The following MYO3B variants were observed in gnomAD, a reference collection of about 807,000 sequenced individuals.
The protein encoded by MYO3B is myosin-IIIb.
MYO3B carries 156 observed loss-of-function variants against 174.6 expected under a neutral mutation model. The ratio of observed to expected loss-of-function variants is 0.89; its 90% CI spans 0.78 to 1.02. The LOEUF (loss-of-function observed/expected upper bound fraction) is 1.02, where lower values mean the gene tolerates loss of function less well. Ranked by LOEUF, MYO3B falls within the 50% of genes least tolerant of loss-of-function variation. The pLI is 0.00. For missense variants in MYO3B, 1,632 were observed against 1,639.4 expected, an observed-to-expected ratio of 1.00 and a Z score of 0.08; for synonymous variants, 563 against 569.1, an observed-to-expected ratio of 0.99 and a Z score of 0.15.
At chr2:170,597,431 C>T (rs1285895276) in intron 32 of MYO3B, among the ~76,000 whole-genome samples, 1 of 151,732 alleles carries the variant, frequency 6.6e-6, no homozygotes, top group Non-Finnish European at 1.5e-5. Context: ...GACTCTTCAG[C>T]CAACCAAGCA....
At chr2:170,361,475 C>T (rs1335073282) in intron 8 of MYO3B, among the ~76,000 whole-genome samples, 1 of 152,224 alleles carries the variant, frequency 6.6e-6, no homozygotes, top group Non-Finnish European at 1.5e-5. Flanking sequence ...TTCTCGGACA[C>T]AAAATTGACA....
At chr2:170,441,721 T>G (rs2094802271) in intron 22 of MYO3B, among the ~76,000 whole-genome samples, 1 of 152,234 alleles carries the variant, frequency 6.6e-6, no homozygotes, top group African/African-American at 2.4e-5. Flanking sequence ...GCCATGCATT[T>G]GTTGTCATGG....
chr2:170,353,104 A>G (rs1558916188), intron 8 of MYO3B, among the ~76,000 whole-genome samples: 1 of 152,246 alleles, frequency 6.6e-6, no homozygotes, highest in East Asian at 1.9e-4. Context: ...AAATCTGCAC[A>G]TGAATGTTTA....
chr2:170,447,824 C>A (rs1272268964), intron 23 of MYO3B, among the ~76,000 whole-genome samples: 4 of 152,144 alleles, frequency 2.6e-5, no homozygotes, highest in African/African-American at 9.7e-5. Context: ...AGGTAGGGGG[C>A]AAGTCAATCA....
intron 8 of MYO3B, among the ~76,000 whole-genome samples, chr2:170,347,344 G>A (rs921633018): frequency 1.2e-4 from 19 of 152,130 alleles, no homozygotes; most frequent in African/African-American, 4.3e-4. Flanking sequence ...GATCACATCT[G>A]TAATCCCAGC....
chr2:170,307,420 C>T (rs1024668065), intron 7 of MYO3B, among the ~76,000 whole-genome samples: 1 of 152,172 alleles, frequency 6.6e-6, no homozygotes, highest in African/African-American at 2.4e-5. Context: ...TTAAAATGCT[C>T]TGTTCAGTGA....
At chr2:170,227,300 G>T (rs566668692) in intron 6 of MYO3B, among the ~76,000 whole-genome samples, 1 of 152,096 alleles carries the variant, frequency 6.6e-6, no homozygotes, top group Admixed American at 6.5e-5. Flanking sequence ...GGGGAAGTGG[G>T]GGGGTACAGG....
intron 22 of MYO3B, among the ~76,000 whole-genome samples, chr2:170,434,198 G>A (rs943992470): frequency 3.3e-5 from 5 of 152,112 alleles, no homozygotes; most frequent in African/African-American, 4.8e-5. Context: ...CTATAGGTTT[G>A]TGTTTTTTTG....
At chr2:170,610,314 C>G (rs1205833085) in intron 32 of MYO3B, among the ~76,000 whole-genome samples, 1 of 150,998 alleles carries the variant, frequency 6.6e-6, no homozygotes, top group African/African-American at 2.4e-5. Flanking sequence ...GTACTCCAGC[C>G]TGGGTGACAG....
intron 7 of MYO3B, among the ~76,000 whole-genome samples, chr2:170,298,199 G>A (rs774978091): frequency 6.6e-6 from 1 of 152,128 alleles, no homozygotes; most frequent in African/African-American, 2.4e-5. Flanking sequence ...CCAGTTGAAA[G>A]CATCTCAGAT....
At chr2:170,585,583 C>A (rs920103122) in intron 32 of MYO3B, among the ~76,000 whole-genome samples, 1 of 152,118 alleles carries the variant, frequency 6.6e-6, no homozygotes, top group African/African-American at 2.4e-5. Context: ...CTTGGCCTGG[C>A]CCCCTTGTGA....
intron 8 of MYO3B, among the ~76,000 whole-genome samples, chr2:170,355,675 A>G (rs1329407953): frequency 6.6e-6 from 1 of 152,162 alleles, no homozygotes; most frequent in Non-Finnish European, 1.5e-5. Flanking sequence ...CTTTTGATTC[A>G]TGGGCTCAAC....
At chr2:170,456,068 G>GA (rs1384386291) in intron 23 of MYO3B, among the ~76,000 whole-genome samples, 2 of 152,070 alleles carry the variant, frequency 1.3e-5, no homozygotes, top group Non-Finnish European at 2.9e-5. Flanking sequence ...GAATAGGGGA[G>GA]AATCACAGAG....
intron 22 of MYO3B, among the ~76,000 whole-genome samples, chr2:170,439,914 T>C (rs1445479737): frequency 6.6e-6 from 1 of 152,156 alleles, no homozygotes; most frequent in Non-Finnish European, 1.5e-5. Context: ...TCTCCTGACC[T>C]TGTGATCCGC....
At chr2:170,188,495 AT>A (rs1282715847) in intron 1 of MYO3B, among the ~76,000 whole-genome samples, 1 of 151,932 alleles carries the variant, frequency 6.6e-6, no homozygotes, top group African/African-American at 2.4e-5. Context: ...TAATTCTGCC[AT>A]TTTGTCATTT....
At chr2:170,401,733 T>C (rs773110632) in intron 18 of MYO3B, 42 bp downstream of exon 18, 5 of 1,569,380 alleles carry the variant, frequency 3.2e-6, no homozygotes, top group Non-Finnish European at 4.4e-6. Context: ...AGAGCTGTCA[T>C]TGACCCCGCC....
intron 32 of MYO3B, among the ~76,000 whole-genome samples, chr2:170,555,153 G>A (rs1273736675): frequency 6.6e-6 from 1 of 152,120 alleles, no homozygotes. Flanking sequence ...CAGAAATATT[G>A]AGCTTAAAGT....
chr2:170,349,010 T>A (rs1167319653), intron 8 of MYO3B, among the ~76,000 whole-genome samples: 14 of 152,186 alleles, frequency 9.2e-5, no homozygotes. Context: ...AAACAGTCAG[T>A]GTGATCTTTC....
intron 22 of MYO3B, among the ~76,000 whole-genome samples, chr2:170,431,291 A>G (rs899301233): frequency 3.9e-5 from 6 of 152,174 alleles, no homozygotes; most frequent in African/African-American, 1.4e-4. Flanking sequence ...AAAGAGACTG[A>G]CCTACTGCCG....
Sources: gnomAD v4.1 joint callset for allele counts (sites outside exome capture counted in the v4.1 genomes callset) on GRCh38, gnomAD v4.1.1 for gene constraint, MANE v1.5 for transcripts, NCBI Gene and HGNC (gene_info 2026-07-23, HGNC 2026-07-21) for gene names.